The following AEBP2 variants were observed in gnomAD, a reference collection of about 807,000 sequenced individuals.
AEBP2 encodes zinc finger protein AEBP2.
A neutral mutation model predicts 50.8 loss-of-function variants in AEBP2; 10 were observed. The observed-to-expected ratio is 0.20, with a 90% CI of 0.12 to 0.33. AEBP2 has a LOEUF of 0.33. Among genes scored for constraint, AEBP2 ranks in the 10% least tolerant of loss-of-function variants. AEBP2 has a pLI of 1.00. For synonymous variants in AEBP2, 296 were observed against 261.3 expected, an observed-to-expected ratio of 1.13 and a Z score of -1.28; for missense variants, 570 against 688.0, an observed-to-expected ratio of 0.83 and a Z score of 1.92.
intron 3 of AEBP2, among the ~76,000 whole-genome samples, chr12:19,484,250 ATTTTTTT>A (rs59403434): frequency 1.9e-5 from 2 of 107,518 alleles, no homozygotes; most frequent in Admixed American, 1.0e-4. Context: ...CGCCCAGCCA[ATTTTTTT>A]TTTTTTTTTT....
intron 2 of AEBP2, among the ~76,000 whole-genome samples, chr12:19,464,359 T>G (rs932623667): frequency 6.6e-6 from 1 of 152,150 alleles, no homozygotes; most frequent in African/African-American, 2.4e-5. Flanking sequence ...ATGATGCTTT[T>G]TTGTCACTTG....
chr12:19,506,335 AG>A (rs1565736088), intron 5 of AEBP2, among the ~76,000 whole-genome samples: 1 of 151,998 alleles, frequency 6.6e-6, no homozygotes, highest in Non-Finnish European at 1.5e-5. Context: ...CCTGAACTGT[AG>A]TGATCCACTC....
At chr12:19,499,035 C>A (rs1049715837) in intron 4 of AEBP2, among the ~76,000 whole-genome samples, 6 of 151,994 alleles carry the variant, frequency 3.9e-5, no homozygotes, top group Admixed American at 1.3e-4. Context: ...AAGAAAAAAA[C>A]CAGTTATATA....
At chr12:19,438,449 T>A (rs566054181), upstream of AEBP2, among the ~76,000 whole-genome samples, 7 of 152,210 alleles carry the variant, frequency 4.6e-5, no homozygotes, top group African/African-American at 1.7e-4. Context: ...GGAATAGAAC[T>A]GATGCTGAAC....
intron 1 of AEBP2, among the ~76,000 whole-genome samples, chr12:19,454,511 A>G (rs1003963711): frequency 6.6e-6 from 1 of 152,216 alleles, no homozygotes; most frequent in African/African-American, 2.4e-5. Context: ...TTAGGGTGGT[A>G]GAAACACCAG....
At chr12:19,505,860 C>G (rs902967156) in intron 5 of AEBP2, among the ~76,000 whole-genome samples, 2 of 152,148 alleles carry the variant, frequency 1.3e-5, no homozygotes, top group African/African-American at 4.8e-5. Context: ...ACTGTTGCCT[C>G]AAACTCCTGG....
At chr12:19,496,231 G>A (rs1948978348) in intron 4 of AEBP2, among the ~76,000 whole-genome samples, 2 of 152,098 alleles carry the variant, frequency 1.3e-5, no homozygotes, top group African/African-American at 2.4e-5. Flanking sequence ...TACTGGTGCC[G>A]GCTTAAGTAT....
chr12:19,497,692 A>G (rs1949008372), intron 4 of AEBP2, among the ~76,000 whole-genome samples: 1 of 152,072 alleles, frequency 6.6e-6, no homozygotes, highest in African/African-American at 2.4e-5. Flanking sequence ...ACCAAGTCTC[A>G]AACTCCTGGT....
upstream of AEBP2, among the ~76,000 whole-genome samples, chr12:19,435,803 G>C (rs1160486039): frequency 6.6e-6 from 1 of 152,106 alleles, no homozygotes; most frequent in Non-Finnish European, 1.5e-5. Context: ...AGCTTTCCTT[G>C]ATTAACTCGG....
intron 1 of AEBP2, among the ~76,000 whole-genome samples, chr12:19,441,208 T>G (rs10770484): frequency 0.43 from 65,467 of 151,994 alleles, 15,101 homozygotes; most frequent in Non-Finnish European, 0.54. Context: ...TCGGAAGGAA[T>G]GAGTATTATT....
At chr12:19,501,728 T>G (rs1345571938) in intron 5 of AEBP2, among the ~76,000 whole-genome samples, 1 of 151,666 alleles carries the variant, frequency 6.6e-6, no homozygotes, top group East Asian at 1.9e-4. Context: ...ATACAAAAGG[T>G]CCTTATTGAT....
intron 7 of AEBP2, among the ~76,000 whole-genome samples, chr12:19,515,326 T>C (rs574492594): frequency 2.7e-4 from 41 of 152,326 alleles, no homozygotes; most frequent in Middle Eastern, 3.4e-3. Context: ...CCAACATTTC[T>C]CTTTTATGTG....
At chr12:19,451,833 C>G (rs1377905753) in intron 1 of AEBP2, among the ~76,000 whole-genome samples, 1 of 152,150 alleles carries the variant, frequency 6.6e-6, no homozygotes, top group Non-Finnish European at 1.5e-5. Context: ...TCCTGAGTAG[C>G]TGGGACTACA....
intron 7 of AEBP2, among the ~76,000 whole-genome samples, chr12:19,516,792 C>T (rs963613561): frequency 2.6e-5 from 4 of 152,014 alleles, no homozygotes; most frequent in Non-Finnish European, 4.4e-5. Context: ...TTTGGGAGGC[C>T]GAGGTGGGTG....
chr12:19,475,788 G>A (rs1948640997), intron 3 of AEBP2, among the ~76,000 whole-genome samples: 1 of 152,022 alleles, frequency 6.6e-6, no homozygotes, highest in Non-Finnish European at 1.5e-5. Flanking sequence ...GGCCATTATT[G>A]TAGGAATAAG....
At chr12:19,479,435 A>G (rs1259342664) in intron 3 of AEBP2, among the ~76,000 whole-genome samples, 1 of 152,192 alleles carries the variant, frequency 6.6e-6, no homozygotes, top group Non-Finnish European at 1.5e-5. Flanking sequence ...TCCAAATACA[A>G]GAAGCTCAAA....
At chr12:19,514,912 C>CAT in intron 7 of AEBP2, 128 bp downstream of exon 7, 1 of 549,058 alleles carries the variant, frequency 1.8e-6, no homozygotes. Context: ...TACTTCCTGG[C>CAT]TTTTTTTTTT....
intron 3 of AEBP2, among the ~76,000 whole-genome samples, chr12:19,488,950 G>A (rs1448650296): frequency 6.6e-6 from 1 of 152,062 alleles, no homozygotes; most frequent in African/African-American, 2.4e-5. Flanking sequence ...TACCACGCCC[G>A]GCTAATTTTA....
chr12:19,435,257 C>T (rs1023247612), upstream of AEBP2, among the ~76,000 whole-genome samples: 4 of 148,624 alleles, frequency 2.7e-5, no homozygotes, highest in Non-Finnish European at 5.9e-5. Context: ...CCTCCCATAG[C>T]TGTGTGCCAC....
Sources: gnomAD v4.1 joint callset for allele counts (sites outside exome capture counted in the v4.1 genomes callset) on GRCh38, gnomAD v4.1.1 for gene constraint, MANE v1.5 for transcripts, NCBI Gene and HGNC (gene_info 2026-07-23, HGNC 2026-07-21) for gene names.